The following LLPH variants were observed in gnomAD, a reference collection of about 807,000 sequenced individuals.
LLPH encodes the protein protein LLP homolog.
Under a neutral mutation model 13.3 loss-of-function variants are expected in LLPH, and 5 were observed. The ratio of observed to expected loss-of-function variants is 0.38; its 90% CI spans 0.20 to 0.79. The LOEUF (loss-of-function observed/expected upper bound fraction) is 0.79. LLPH is among the 30% of genes least tolerant of loss of function. The pLI, the probability that LLPH is intolerant of heterozygous loss-of-function variation, is 0.45. For missense variants in LLPH, 129 were observed against 152.1 expected (o/e 0.85, Z 0.80); for synonymous variants, 32 against 44.2 (o/e 0.72, Z 1.09).
chr12:66,124,166 A>G (rs1000510915), intron 2 of LLPH, 148 bp from the exon 3 acceptor site: 9 of 576,900 alleles, frequency 1.6e-5, no homozygotes, highest in Non-Finnish European at 2.7e-5. Context: ...GAATGTTGGC[A>G]TGACTGTCCT....
rs1247644389 is a variant in LLPH at position 66,120,208 on chromosome 12, TTCTAC to T, written c.*3627_*3631del. On this transcript the variant is annotated 3_prime_UTR_variant, in exon 3 of 3. Transcript: ENST00000266604. ...TTGAGGAGGGTTCTGTACATCATTA[TTCTAC>T]TTAAACCTGCTCTTTATCTGATCCT... 6.6e-6 allele frequency: 1 copy of T among 152,236 alleles called. No individual in the cohort carries two copies. The highest frequency in any genetic ancestry group is 1.5e-5 in the Non-Finnish European group (1 of 68,040). 9.4% of individuals were successfully genotyped at this position (152,236 alleles called of 1,614,324 possible).
rs2051432270 is a variant in LLPH, at chr12:66,117,018, C to CA, written c.*6821dup. On this transcript the variant is annotated 3_prime_UTR_variant, in exon 3 of 3. Coordinates refer to ENST00000266604, the MANE Select transcript of LLPH (RefSeq NM_032338.4). The stretch of plus-strand genomic sequence containing the variant: ...ACTTAAGTCTACAGTTATGTAGTAC[C>CA]AAAAAACTATGTAGAGCAAAACAAG... 6.6e-6 allele frequency: 1 copy of CA among 152,036 alleles called. No homozygotes were observed. The highest frequency in any genetic ancestry group is 1.5e-5 in the Non-Finnish European group (1 of 67,992). 9.4% of individuals were successfully genotyped at this position (152,036 alleles called of 1,614,324 possible). A position where few individuals can be genotyped will look rare whatever the true frequency, so the allele number is the denominator to read the frequency against.
In LLPH at chr12:66,122,199, G is replaced by C. The variant is rs1565776435; in HGVS notation, c.*1641C>G. On this transcript the variant is annotated 3_prime_UTR_variant, in exon 3 of 3. Transcript: ENST00000266604. ...TTTAAACAATTCCAAGAGTTTACTG[G>C]CATCAAATTTTATAAGCTTAAATTT... is the stretch of plus-strand genomic sequence containing the variant. 6.6e-6 allele frequency: 1 copy of C among 152,118 alleles called. No homozygotes were observed. The allele number at this position is 152,118 out of a possible 1,614,324, so 9.4% of individuals were successfully genotyped here.
Position 66,129,008 on chromosome 12 carries a change from G to A in LLPH, c.99C>T (p.Leu33=), listed in dbSNP as rs1379312725. The A allele has an allele frequency of 6.2e-7, 1 of 1,611,654 alleles. No homozygotes were observed. The highest frequency in any genetic ancestry group is 2.2e-5 in the East Asian group (1 of 44,860). Residue 33 remains leucine, a synonymous_variant, in exon 2 of 3, where the codon CTC becomes CTT. Transcript: ENST00000266604. Reference sequence around the variant, plus strand: ...TCATTAAAACATCACCGTCTAGTTTGAGAATACTTTTAAGCCTGCTGGCCT... The same window carrying A: ...TCATTAAAACATCACCGTCTAGTTTAAGAATACTTTTAAGCCTGCTGGCCT... ...PKEASRLKSI[L]KLDGDVLMKD...
At position 66,116,985 on chromosome 12, in the gene LLPH, A is replaced by T. The variant is rs1420579547; in HGVS notation, c.*6855T>A. The T allele has an allele frequency of 1.3e-5, 2 of 152,232 alleles. No individual in the cohort carries two copies. The highest frequency in any genetic ancestry group is 1.5e-5 in the Non-Finnish European group (1 of 68,032). The allele number at this position is 152,232 out of a possible 1,614,324, so 9.4% of individuals were successfully genotyped here. On this transcript the variant is annotated 3_prime_UTR_variant, in exon 3 of 3. Transcript: ENST00000266604. The stretch of plus-strand genomic sequence containing the variant: ...AGAGATTTCATATTTTATTTCCACC[A>T]AAAAGATACTTAAGTCTACAGTTAT...
At chr12:66,126,310 T>C (rs1249652889) in intron 2 of LLPH, among the ~76,000 whole-genome samples, 2 of 141,648 alleles carry the variant, frequency 1.4e-5, no homozygotes, top group African/African-American at 5.3e-5. Flanking sequence ...GGCGACAGAG[T>C]GAGAGTTCAT....
chr12:66,127,561 T>G (rs1592525963), intron 2 of LLPH, among the ~76,000 whole-genome samples: 1 of 152,194 alleles, frequency 6.6e-6, no homozygotes, highest in South Asian at 2.1e-4. Flanking sequence ...CCTTTTAGGG[T>G]GAGGAAAGTG....
At position 66,124,013 on chromosome 12, in the gene LLPH, T is replaced by C. The variant is rs756190754; in HGVS notation, c.217A>G (p.Met73Val). 4 of 1,597,872 alleles carry C rather than the reference T, an allele frequency of 2.5e-6. No individual in the cohort carries two copies. The highest frequency in any genetic ancestry group is 3.4e-6 in the Non-Finnish European group (4 of 1,173,624). ...CTCTTAATATCAGTCTCCATTTTCA[T>C]GTCATCTGCATAAAAAGATGGAAAA... is the stretch of plus-strand genomic sequence containing the variant. Reference protein sequence around the residue: ...QCEVKDEKDDMKMETDIKRNK... With the variant: ...QCEVKDEKDDVKMETDIKRNK... Residue 73 changes from methionine to valine, a missense_variant, in exon 3 of 3, where the codon ATG becomes GTG. Transcript: ENST00000266604.
chr12:66,123,836 G>A lies in LLPH; in HGVS notation c.*4C>T. ...CATGTGGCATTTTCCAAGGTTTTAA[G>A]AGTCTACCAGGCCAAACCCTTTGCC... On this transcript the variant is annotated 3_prime_UTR_variant, in exon 3 of 3. Coordinates refer to ENST00000266604, the MANE Select transcript of LLPH (RefSeq NM_032338.4). 6.2e-7 allele frequency: 1 copy of A among 1,611,756 alleles called. No homozygotes were observed. The highest frequency in any genetic ancestry group is 8.5e-7 in the Non-Finnish European group (1 of 1,179,736).
intron 1 of LLPH, among the ~76,000 whole-genome samples, chr12:66,129,518 T>C (rs1243521598): frequency 1.3e-5 from 2 of 152,004 alleles, no homozygotes; most frequent in African/African-American, 4.8e-5. Flanking sequence ...CCCGAGCAGC[T>C]GGGACTACAG....
rs1209902756 is a variant in LLPH, at chr12:66,117,573, G to A, written c.*6267C>T. 4 of 152,182 alleles carry A rather than the reference G, an allele frequency of 2.6e-5. No homozygotes were observed. The South Asian group carries it at 6.2e-4, about 24-fold the overall frequency. 9.4% of individuals were successfully genotyped at this position (152,182 alleles called of 1,614,324 possible). A position where few individuals can be genotyped will look rare whatever the true frequency, so the allele number is the denominator to read the frequency against. On this transcript the variant is annotated 3_prime_UTR_variant, in exon 3 of 3. Coordinates refer to ENST00000266604, the MANE Select transcript of LLPH (RefSeq NM_032338.4). ...CATAATACTTGATAATAATGACTAC[G>A]GTTTATGGCTTTACTATACTTTTTA...
Position 66,123,678 on chromosome 12 carries a change from A to G in LLPH, c.*162T>C. 3.0e-6 allele frequency: 2 copies of G among 668,520 alleles called. No homozygotes were observed. Among genetic ancestry groups the G allele is most frequent in the Admixed American group, 6.1e-5 (2 of 32,848 alleles). 41.4% of individuals were successfully genotyped at this position (668,520 alleles called of 1,614,324 possible). On this transcript the variant is annotated 3_prime_UTR_variant, in exon 3 of 3. Transcript: ENST00000266604. ...AATATTTTATTCAAGTTCCCAAAAC[A>G]AACTTGAGGAGTTATGCTGGGTTTG...
Position 66,117,119 on chromosome 12 carries a change from C to T in LLPH, c.*6721G>A, listed in dbSNP as rs1267225628. The T allele has an allele frequency of 6.6e-6, 1 of 152,112 alleles. No individual in the cohort carries two copies. Among genetic ancestry groups the T allele is most frequent in the Non-Finnish European group, 1.5e-5 (1 of 68,014 alleles). The allele number at this position is 152,112 out of a possible 1,614,324, so 9.4% of individuals were successfully genotyped here. A position where few individuals can be genotyped will look rare whatever the true frequency, so the allele number is the denominator to read the frequency against. On this transcript the variant is annotated 3_prime_UTR_variant, in exon 3 of 3. Coordinates refer to ENST00000266604, the MANE Select transcript of LLPH (RefSeq NM_032338.4). ...TGAAAAGAACTTTAACAGCTTTCAA[C>T]CCAAATTCCAAGAACAGTTGGCCCT...
chr12:66,125,349 G>T (rs1033684943), intron 2 of LLPH, among the ~76,000 whole-genome samples: 1 of 152,128 alleles, frequency 6.6e-6, no homozygotes, highest in African/African-American at 2.4e-5. Flanking sequence ...CTTGCTAATG[G>T]TTTAGATGTG....
Position 66,121,079 on chromosome 12 carries a change from C to A in LLPH, c.*2761G>T, listed in dbSNP as rs2051459998. ...ACTTTCAAGTTAAATCCTGAATGGA[C>A]AAACTTCATGACTGGACACAATGAA... On this transcript the variant is annotated 3_prime_UTR_variant, in exon 3 of 3. Transcript: ENST00000266604. The A allele has an allele frequency of 6.6e-6, 1 of 152,250 alleles. No homozygotes were observed. Among genetic ancestry groups the A allele is most frequent in the African/African-American group, 2.4e-5 (1 of 41,546 alleles). The allele number at this position is 152,250 out of a possible 1,614,324, so 9.4% of individuals were successfully genotyped here.
intron 2 of LLPH, among the ~76,000 whole-genome samples, chr12:66,124,263 T>C (rs765488663): frequency 1.3e-5 from 2 of 152,220 alleles, no homozygotes; most frequent in African/African-American, 4.8e-5. Context: ...TCTGAGCACA[T>C]GTGAGTTACA....
chr12:66,124,275 C>A (rs2051482965), intron 2 of LLPH, among the ~76,000 whole-genome samples: 1 of 152,180 alleles, frequency 6.6e-6, no homozygotes, highest in South Asian at 2.1e-4. Context: ...TGAGTTACAA[C>A]AACATTTCTC....
chr12:66,129,877 G>C (rs913937942), intron 1 of LLPH, among the ~76,000 whole-genome samples: 1 of 151,934 alleles, frequency 6.6e-6, no homozygotes, highest in Non-Finnish European at 1.5e-5. Context: ...TTTCCACTCA[G>C]TTCCGCCCTA....
rs1368484196 is a variant in LLPH, at chr12:66,117,273, A to G, written c.*6567T>C. 6.6e-6 allele frequency: 1 copy of G among 152,254 alleles called. No individual in the cohort carries two copies. The highest frequency in any genetic ancestry group is 2.4e-5 in the African/African-American group (1 of 41,474). The allele number at this position is 152,254 out of a possible 1,614,324, so 9.4% of individuals were successfully genotyped here. Reference sequence around the variant, plus strand: ...TATCATTATTCCCTAAATACAGTATAACAACTATTTACATAGCATTTTCAT... The same window carrying G: ...TATCATTATTCCCTAAATACAGTATGACAACTATTTACATAGCATTTTCAT... On this transcript the variant is annotated 3_prime_UTR_variant, in exon 3 of 3. Transcript: ENST00000266604.
Sources: allele counts gnomAD v4.1 joint callset (sites outside exome capture counted in the v4.1 genomes callset), GRCh38; gene constraint gnomAD v4.1.1; transcripts MANE v1.5; gene names NCBI Gene and HGNC (gene_info 2026-07-23, HGNC 2026-07-21).